Variants in MUC4 observed in about 807,000 individuals in gnomAD.
MUC4 encodes mucin-4.
MUC4 carries 202 observed loss-of-function variants against 257.9 expected under a neutral mutation model. That is an observed-to-expected ratio of 0.78 (90% CI 0.70 to 0.88). The LOEUF (loss-of-function observed/expected upper bound fraction) is 0.88. Among genes scored for constraint, MUC4 ranks in the 40% least tolerant of loss-of-function variants. MUC4 has a pLI of 0.00. For synonymous variants in MUC4, 2,351 were observed against 2,757.1 expected, an observed-to-expected ratio of 0.85 and a Z score of 4.62; for missense variants, 5,976 against 6,513.7, an observed-to-expected ratio of 0.92 and a Z score of 2.84.
At position 195,790,257 on chromosome 3, in the gene MUC4, A is replaced by C; in HGVS notation, c.1323T>G (p.Ser441Arg). Residue 441 changes from serine to arginine, a missense_variant, in exon 2 of 25, where the codon AGT becomes AGG. Coordinates refer to ENST00000463781, the MANE Select transcript of MUC4 (RefSeq NM_018406.7). ...CTGTGGATATTTTTGGAGGTAGAGA[A>C]CTGGGGGAGAGTGCTGTTGACAGAG... ...SDTLSTALSP[S>R]SLPPKISTAF... is the part of the protein sequence containing the mutation. The C allele has an allele frequency of 2.5e-6, 4 of 1,613,970 alleles. No homozygotes were observed. Among genetic ancestry groups the C allele is most frequent in the Non-Finnish European group, 3.4e-6 (4 of 1,179,884 alleles).
In MUC4 at chr3:195,778,425, C is replaced by T. The variant is rs754596306; in HGVS notation, c.12821G>A (p.Gly4274Asp). ...TGGTGATGTGGCTGTGCGTCTCCCA[C>T]CGTCTGTCTTCAGTGACGGTGTTGT... ...GMTTPSLKTD[G>D]GRRTATSPPP... The change falls in exon 3 of 25, where the codon GGT becomes GAT. Residue 4274 changes from glycine (G) to aspartate (D), a missense_variant. By Grantham distance (94) the Gly-to-Asp change is moderately conservative. Transcript: ENST00000463781. 16 of 1,612,810 alleles carry T rather than the reference C, an allele frequency of 9.9e-6. No individual in the cohort carries two copies. The East Asian group carries it at 2.0e-4, about 20-fold the overall frequency.
intron 7 of MUC4, among the ~76,000 whole-genome samples, chr3:195,767,798 A>ATCACCC (rs1560265124): frequency 3.1e-5 from 3 of 97,100 alleles, no homozygotes; most frequent in South Asian, 3.6e-4. Context: ...CATTGCCACC[A>ATCACCC]CCATCATCAC....
At position 195,788,758 on chromosome 3, in the gene MUC4, G is replaced by C. The variant is rs752342140; in HGVS notation, c.2822C>G (p.Ser941Trp). 2.5e-6 allele frequency: 4 copies of C among 1,613,746 alleles called. No homozygotes were observed. The Admixed American group carries it at 6.7e-5, about 27-fold the overall frequency. ...AGATGTAAGCCCAGTGGATGTGATC[G>C]ATGGAGGTGTGGGTGGGACTGTTGA... ...TFSTVPPTPPSITSTGLTSPQ... is the reference protein window; with the variant it reads ...TFSTVPPTPPWITSTGLTSPQ... Residue 941 changes from serine to tryptophan, a missense_variant, in exon 2 of 25, where the codon TCG becomes TGG. By Grantham distance (177) the Ser-to-Trp change is radical. Transcript: ENST00000463781.
rs1727459565 is a variant in MUC4 at position 195,780,998 on chromosome 3, A to C, written c.10582T>G (p.Ser3528Ala). 1 of 1,530,216 alleles carries C rather than the reference A, an allele frequency of 6.5e-7. No homozygotes were observed. 94.8% of individuals were successfully genotyped at this position (1,530,216 alleles called of 1,614,324 possible). Residue 3528 changes from serine (S) to alanine (A), a missense_variant, in exon 2 of 25, where the codon TCA (serine) becomes GCA (alanine). Physicochemically the swap from Ser to Ala is moderately conservative, Grantham distance 99. Coordinates refer to ENST00000463781, the MANE Select transcript of MUC4 (RefSeq NM_018406.7). Reference sequence around the variant, plus strand: ...GGCGTGGCGTGACCGGTGGATACTGAGGAAGTGTCGGTGACAGGAAGAGGG... The same window carrying C: ...GGCGTGGCGTGACCGGTGGATACTGCGGAAGTGTCGGTGACAGGAAGAGGG... ...ATPLPVTDTSSVSTGHATPLP... is the reference protein window; with the variant it reads ...ATPLPVTDTSAVSTGHATPLP...
At chr3:195,767,802 TCATCACCACCATCACCACCACCACCAC>T (rs1280837932) in intron 7 of MUC4, among the ~76,000 whole-genome samples, 22 of 31,962 alleles carry the variant, frequency 6.9e-4, no homozygotes, top group African/African-American at 2.2e-3. Flanking sequence ...GCCACCACCA[TCATCACCACCATCACCACCACCACCAC>T]CATCACCACC....
In MUC4 at chr3:195,788,878, G is replaced by C. The variant is rs371528225; in HGVS notation, c.2702C>G (p.Thr901Arg). 12 of 1,613,852 alleles carry C rather than the reference G, an allele frequency of 7.4e-6. No homozygotes were observed. The highest frequency in any genetic ancestry group is 5.0e-5 in the Admixed American group (3 of 59,998). Reference protein sequence around the residue: ...PTSPSASPQETAAISRMAQTQ... With the variant: ...PTSPSASPQERAAISRMAQTQ... ...CTGGGCCATCCGGGAAATGGCGGCT[G>C]TCTCCTGAGGAGAGGCACTGGGAGA... Residue 901 changes from threonine (T) to arginine (R), a missense_variant, in exon 2 of 25, where the codon ACA becomes AGA. Thr to Arg is a moderately conservative substitution (Grantham distance 71). Coordinates refer to ENST00000463781, the MANE Select transcript of MUC4 (RefSeq NM_018406.7).
chr3:195,748,131 G>A (rs1392309399), intron 24 of MUC4, among the ~76,000 whole-genome samples: 1 of 152,282 alleles, frequency 6.6e-6, no homozygotes, highest in Non-Finnish European at 1.5e-5. Context: ...TTAACCAGCG[G>A]AGCCCCGGGG....
chr3:195,805,504 C>T (rs540065987), intron 1 of MUC4, among the ~76,000 whole-genome samples: 45 of 152,334 alleles, frequency 3.0e-4, no homozygotes, highest in African/African-American at 9.1e-4. Flanking sequence ...CCTAGCCTAG[C>T]GCTGTCCTCA....
In MUC4 at chr3:195,789,782, G is replaced by C; in HGVS notation, c.1798C>G (p.Pro600Ala). 6.2e-7 allele frequency: 1 copy of C among 1,614,006 alleles called. No homozygotes were observed. The highest frequency in any genetic ancestry group is 8.5e-7 in the Non-Finnish European group (1 of 1,179,862). Reference sequence around the variant, plus strand: ...TGGGATGTGTGTCTATCCAGCATAGGTGAAGAAGATGGGGATGTGGCCGTT... The same window carrying C: ...TGGGATGTGTGTCTATCCAGCATAGCTGAAGAAGATGGGGATGTGGCCGTT... ...IKTATSPSSSPMLDRHTSQQI... is the reference protein window; with the variant it reads ...IKTATSPSSSAMLDRHTSQQI... The change falls in exon 2 of 25, where the codon CCT (proline) becomes GCT (alanine). Residue 600 changes from proline (P) to alanine (A), a missense_variant. Physicochemically the swap from Pro to Ala is conservative, Grantham distance 27. Around this residue, in one of 44 missense-constraint regions of MUC4, gnomAD observed 1,583 missense variants for 1,257.4 expected, o/e 1.26. Coordinates refer to ENST00000463781, the MANE Select transcript of MUC4 (RefSeq NM_018406.7).
intron 1 of MUC4, among the ~76,000 whole-genome samples, chr3:195,800,644 C>G (rs1018553781): frequency 2.6e-5 from 4 of 152,098 alleles, no homozygotes; most frequent in African/African-American, 9.7e-5. Context: ...ATCTACTAAG[C>G]TTGAGTAGGT....
At chr3:195,758,503 T>C (rs551332575) in intron 17 of MUC4, among the ~76,000 whole-genome samples, 77 of 152,108 alleles carry the variant, frequency 5.1e-4, no homozygotes, top group South Asian at 2.3e-3. Context: ...ATTATTCTAA[T>C]AATTTGGTGA....
intron 4 of MUC4, among the ~76,000 whole-genome samples, chr3:195,772,994 G>A (rs867017098): frequency 2.6e-4 from 32 of 123,890 alleles, no homozygotes; most frequent in African/African-American, 8.1e-4. Flanking sequence ...TCTCTCCATC[G>A]CTCAGGGGTG....
Position 195,757,440 on chromosome 3 carries a change from G to T in MUC4, c.14987-112C>A. 1.0e-6 allele frequency: 1 copy of T among 971,770 alleles called. No individual in the cohort carries two copies. The highest frequency in any genetic ancestry group is 1.5e-6 in the Non-Finnish European group (1 of 666,464). The allele number at this position is 971,770 out of a possible 1,614,324, so 60.2% of individuals were successfully genotyped here. ...TCTCAGGCCACCCTCCCCCTCCCCAGACAAATCTCATTGGTCATTTCCTTT... is the reference window on the plus strand; with the variant it reads ...TCTCAGGCCACCCTCCCCCTCCCCATACAAATCTCATTGGTCATTTCCTTT... On this transcript the variant is annotated intron_variant, in intron 17 of 24. Transcript: ENST00000463781. This position sits in a 1 kb window ranked among gnomAD's most constrained non-coding sequence, Gnocchi z 4.8.
rs1444996049 is a variant in MUC4 at position 195,777,950 on chromosome 3, T to C, written c.12943+353A>G. 2.0e-5 allele frequency among the ~76,000 whole-genome samples: 3 copies of C among 148,194 alleles called. No individual in the cohort carries two copies. The South Asian group carries it at 6.5e-4, about 32-fold the overall frequency. On this transcript the variant is annotated intron_variant, in intron 3 of 24. Transcript: ENST00000463781. ...CACACCCATACCTTCCACACCTTTGTTCCAGCTGTTCCCGCCCTCCTCCCT... is the reference window on the plus strand; with the variant it reads ...CACACCCATACCTTCCACACCTTTGCTCCAGCTGTTCCCGCCCTCCTCCCT...
chr3:195,751,324 A>G (rs1159978232), intron 21 of MUC4, 53 bp from the exon 22 acceptor site: 2 of 1,360,676 alleles, frequency 1.5e-6, no homozygotes, highest in African/African-American at 1.4e-5. Context: ...TCCGGGGGGG[A>G]GACGCCCTCC....
chr3:195,789,667 C>A lies in MUC4; in HGVS notation c.1913G>T (p.Gly638Val). The A allele has an allele frequency of 1.2e-6, 2 of 1,613,854 alleles. No homozygotes were observed. The highest frequency in any genetic ancestry group is 8.5e-7 in the Non-Finnish European group (1 of 1,179,864). ...PQESPAVSQR[G>V]HTQAPQTTQE... ...TGTGGTCTGCGGGGCTTGAGTGTGA[C>A]CCCTTTGGGAAACAGCTGGTGATTC... The change falls in exon 2 of 25, where the codon GGT (glycine) becomes GTT (valine). Residue 638 changes from glycine to valine, a missense_variant. Transcript: ENST00000463781.
chr3:195,755,781 C>G lies in MUC4; in HGVS notation c.15168+1366G>C, dbSNP rs923364109. 6.6e-6 allele frequency among the ~76,000 whole-genome samples: 1 copy of G among 152,082 alleles called. No homozygotes were observed. Among genetic ancestry groups the G allele is most frequent in the African/African-American group, 2.4e-5 (1 of 41,374 alleles). ...TTGTGTATTTTATGCTTTTCTACCCCCTACCCCACCAACCGTCCCTACCTC... is the reference window on the plus strand; with the variant it reads ...TTGTGTATTTTATGCTTTTCTACCCGCTACCCCACCAACCGTCCCTACCTC... On this transcript the variant is annotated intron_variant, in intron 18 of 24. Coordinates refer to ENST00000463781, the MANE Select transcript of MUC4 (RefSeq NM_018406.7). This position sits in a 1 kb window ranked among gnomAD's most constrained non-coding sequence, Gnocchi z 5.0.
chr3:195,771,942 G>A (rs1722972511), intron 4 of MUC4, 126 bp from the exon 5 acceptor site: 1 of 1,015,274 alleles, frequency 9.8e-7, no homozygotes, highest in African/African-American at 1.6e-5. Flanking sequence ...ACAACCCCTG[G>A]AAGTCACCTC....
At position 195,811,860 on chromosome 3, in the gene MUC4, G is replaced by A. The variant is rs762030630; in HGVS notation, c.-43C>T. The A allele has an allele frequency of 1.3e-5, 20 of 1,593,078 alleles. No homozygotes were observed. The highest frequency in any genetic ancestry group is 1.7e-4 in the Middle Eastern group (1 of 5,778). ...CCCTGGCTCCCTGGGGAAGCTCCACGGCCCAGCAGCTGCAGTGTGAGGAGC... is the reference window on the plus strand; with the variant it reads ...CCCTGGCTCCCTGGGGAAGCTCCACAGCCCAGCAGCTGCAGTGTGAGGAGC... On this transcript the variant is annotated 5_prime_UTR_variant, in exon 1 of 25. Coordinates refer to ENST00000463781, the MANE Select transcript of MUC4 (RefSeq NM_018406.7).
Sources: allele counts gnomAD v4.1 joint callset (sites outside exome capture counted in the v4.1 genomes callset), GRCh38; gene constraint gnomAD v4.1.1; regional missense constraint gnomAD v4.1.1; non-coding constraint Gnocchi (gnomAD v3.1); transcripts MANE v1.5; gene names NCBI Gene and HGNC (gene_info 2026-07-23, HGNC 2026-07-21).